Variants in RPS15 observed in about 807,000 individuals in gnomAD.
RPS15 encodes ribosomal protein S15, also known as small ribosomal subunit protein uS19.
Under a neutral mutation model 14.9 loss-of-function variants are expected in RPS15, and 5 were observed. The ratio of observed to expected loss-of-function variants is 0.34; its 90% confidence interval spans 0.18 to 0.70. RPS15 has a LOEUF of 0.70. Ranked by LOEUF, RPS15 falls within the 30% of genes least tolerant of loss-of-function variation. The pLI is 0.65. For missense variants in RPS15, 102 were observed against 204.2 expected (o/e 0.50, Z 3.05); for synonymous variants, 103 against 85.0 (o/e 1.21, Z -1.16).
chr19:1,440,054 G>T lies in RPS15; in HGVS notation c.125G>T (p.Arg42Leu). ...QLMQLYSARQ[R>L]RRLNRGLRRK... ...ATGCAGCTGTACAGTGCGCGCCAGCGGCGGCGGCTGAACCGGGGCCTGCGG... is the reference window on the plus strand; with the variant it reads ...ATGCAGCTGTACAGTGCGCGCCAGCTGCGGCGGCTGAACCGGGGCCTGCGG... The change falls in exon 3 of 4, where the codon CGG becomes CTG. Residue 42 changes from arginine to leucine, a missense_variant. Arg to Leu is a moderately radical substitution (Grantham distance 102). Around this residue, in one of 2 missense-constraint regions of RPS15, gnomAD observed 70 missense variants for 96.8 expected, o/e 0.72. Coordinates refer to ENST00000592588, the MANE Select transcript of RPS15 (RefSeq NM_001018.5). The T allele has an allele frequency of 6.4e-7, 1 of 1,559,150 alleles. No individual in the cohort carries two copies. Among genetic ancestry groups the T allele is most frequent in the Non-Finnish European group, 8.7e-7 (1 of 1,152,672 alleles).
In RPS15 at chr19:1,439,958, G is replaced by C. The variant is rs990127030; in HGVS notation, c.90-61G>C. 1.0e-4 allele frequency: 139 copies of C among 1,344,382 alleles called. No homozygotes were observed. In the African/African-American group the frequency reaches 1.9e-3, roughly 18 times the overall value. 83.3% of individuals were successfully genotyped at this position (1,344,382 alleles called of 1,614,324 possible). On this transcript the variant is annotated intron_variant, in intron 2 of 3. Transcript: ENST00000592588. ...CCAAGCCTTAGTTCTCTGTCCGCCG[G>C]AGTGCGTAGGGTCTCCCCAGGCCGG...
chr19:1,438,450 G>T lies in RPS15; in HGVS notation c.3+22G>T. ...GATGGTGAGTGTTGCGATTTGGCGC[G>T]TCTCTGCCGGGCCTATCCGGCTCCA... On this transcript the variant is annotated intron_variant, in intron 1 of 3. Transcript: ENST00000592588. The surrounding 1 kb of genome is among the most constrained non-coding windows in gnomAD (Gnocchi z 4.8). The T allele has an allele frequency of 1.2e-6, 2 of 1,613,334 alleles. No individual in the cohort carries two copies. Among genetic ancestry groups the T allele is most frequent in the Non-Finnish European group, 1.7e-6 (2 of 1,179,884 alleles).
chr19:1,438,503 C>T lies in RPS15; in HGVS notation c.3+75C>T, dbSNP rs1346779998. On this transcript the variant is annotated intron_variant, in intron 1 of 3. Transcript: ENST00000592588. The surrounding 1 kb of genome is among the most constrained non-coding windows in gnomAD (Gnocchi z 4.8). ...CAACCTCTGACCGTCTCGCGGGGGC[C>T]GCAGTTCGTCCCCGCGGCTACGGCG... 5 of 1,610,576 alleles carry T rather than the reference C, an allele frequency of 3.1e-6. No individual in the cohort carries two copies. Among genetic ancestry groups the T allele is most frequent in the Non-Finnish European group, 4.2e-6 (5 of 1,178,904 alleles).
intron 2 of RPS15, 148 bp downstream of exon 2, chr19:1,439,040 GC>G: frequency 1.5e-6 from 1 of 664,306 alleles, no homozygotes; most frequent in Non-Finnish European, 2.5e-6. Flanking sequence ...GTGGTCTTGC[GC>G]CCAGAAAACT....
chr19:1,440,123 A>C lies in RPS15; in HGVS notation c.194A>C (p.Lys65Thr), dbSNP rs1040563405. The C allele has an allele frequency of 1.9e-6, 3 of 1,605,804 alleles. No individual in the cohort carries two copies. Among genetic ancestry groups the C allele is most frequent in the Non-Finnish European group, 2.5e-6 (3 of 1,177,054 alleles). ...CTGAAGCGCCTGCGCAAGGCCAAGA[A>C]GGAGGCGCCGCCCATGGAGAAGCCG... The part of the protein sequence containing the change: ...SLLKRLRKAK[K>T]EAPPMEKPEV... The change falls in exon 3 of 4, where the codon AAG becomes ACG. Residue 65 changes from lysine (K) to threonine (T), a missense_variant. Lys to Thr is a moderately conservative substitution (Grantham distance 78, BLOSUM62 -1). Transcript: ENST00000592588.
chr19:1,439,587 G>GT (rs2083636610), intron 2 of RPS15: 1 of 385,286 alleles, frequency 2.6e-6, no homozygotes, highest in Non-Finnish European at 4.7e-6. Flanking sequence ...TGGAAACAGC[G>GT]TTTCTCTGTG....
Position 1,438,736 on chromosome 19 carries a change from T to C in RPS15, c.4-71T>C. 6.5e-7 allele frequency: 1 copy of C among 1,539,800 alleles called. No individual in the cohort carries two copies. The highest frequency in any genetic ancestry group is 8.8e-7 in the Non-Finnish European group (1 of 1,138,308). ...CGGCGGCGCCGCGCGTCTTCCGCGG[T>C]GTCCTCGGGCCCGGTGGCCCCGGGA... On this transcript the variant is annotated intron_variant, in intron 1 of 3. Coordinates refer to ENST00000592588, the MANE Select transcript of RPS15 (RefSeq NM_001018.5). The surrounding 1 kb of genome is among the most constrained non-coding windows in gnomAD (Gnocchi z 4.8).
chr19:1,438,855 C>T lies in RPS15; in HGVS notation c.52C>T (p.Arg18Cys), dbSNP rs2083630372. The T allele has an allele frequency of 1.9e-6, 3 of 1,594,930 alleles. No homozygotes were observed. Among genetic ancestry groups the T allele is most frequent in the African/African-American group, 1.3e-5 (1 of 74,546 alleles). The stretch of plus-strand genomic sequence containing the variant: ...GCGGACCTTCCGCAAGTTCACCTAC[C>T]GCGGCGTGGACCTCGACCAGCTGCT... ...KKRTFRKFTY[R>C]GVDLDQLLDM... The change falls in exon 2 of 4, where the codon CGC (arginine) becomes TGC (cysteine). Residue 18 changes from arginine to cysteine, a missense_variant. Physicochemically the swap from Arg to Cys is radical, Grantham distance 180. Around this residue, in one of 2 missense-constraint regions of RPS15, gnomAD observed 70 missense variants for 96.8 expected, o/e 0.72. Transcript: ENST00000592588. This position sits in a 1 kb window ranked among gnomAD's most constrained non-coding sequence, Gnocchi z 4.8.
chr19:1,439,573 T>G (rs1330452198), intron 2 of RPS15: 2 of 335,820 alleles, frequency 6.0e-6, no homozygotes, highest in East Asian at 6.2e-5. Flanking sequence ...TTTTTGATTA[T>G]TTGTGGAAAC....
rs757669754 is a variant in RPS15 at position 1,440,432 on chromosome 19, C to T, written c.408C>T (p.Thr136=). ...ATGGCCGGCCCGGCATCGGGGCCAC[C>T]CACTCCTCCCGCTTCATCCCTCTCA... ...VKHGRPGIGA[T]HSSRFIPLK Residue 136 remains threonine (T), a synonymous_variant, in exon 4 of 4, where the codon ACC becomes ACT. Transcript: ENST00000592588. 2.5e-6 allele frequency: 4 copies of T among 1,613,724 alleles called. No homozygotes were observed. The highest frequency in any genetic ancestry group is 3.3e-5 in the Admixed American group (2 of 60,002).
chr19:1,438,929 G>A lies in RPS15; in HGVS notation c.89+37G>A, dbSNP rs1215431464. On this transcript the variant is annotated intron_variant, in intron 2 of 3. Coordinates refer to ENST00000592588, the MANE Select transcript of RPS15 (RefSeq NM_001018.5). The surrounding 1 kb of genome is among the most constrained non-coding windows in gnomAD (Gnocchi z 4.8). Reference sequence around the variant, plus strand: ...CGCGGGGGTCGCGGGCAGGGGCTGGGCCAGCGGTGGGGCTTGTCCGGGTGA... The same window carrying A: ...CGCGGGGGTCGCGGGCAGGGGCTGGACCAGCGGTGGGGCTTGTCCGGGTGA... 18 of 1,535,070 alleles carry A rather than the reference G, an allele frequency of 1.2e-5. No individual in the cohort carries two copies. The highest frequency in any genetic ancestry group is 5.9e-5 in the Admixed American group (3 of 51,224).
At chr19:1,439,334 C>A in intron 2 of RPS15, 1 of 180,794 alleles carries the variant, frequency 5.5e-6, no homozygotes, top group South Asian at 1.1e-4. Flanking sequence ...TCCGTCCCAG[C>A]TCACTGCAGC....
chr19:1,439,406 G>A (rs900791535), intron 2 of RPS15: 5 of 176,338 alleles, frequency 2.8e-5, no homozygotes, highest in Non-Finnish European at 6.0e-5. Context: ...GGGATTAGAG[G>A]GCCCCCCCAC....
intron 2 of RPS15, 172 bp from the exon 3 acceptor site, chr19:1,439,847 G>A (rs1328223707): frequency 9.1e-6 from 6 of 660,102 alleles, no homozygotes; most frequent in East Asian, 2.7e-5. Flanking sequence ...CATATCTGGC[G>A]GGGGTGCCAG....
chr19:1,439,011 C>T (rs2083631965), intron 2 of RPS15, 119 bp downstream of exon 2: 6 of 823,746 alleles, frequency 7.3e-6, no homozygotes, highest in Non-Finnish European at 1.1e-5. Context: ...ACGGTCTCCG[C>T]GCGGGTTTGG....
At position 1,440,217 on chromosome 19, in the gene RPS15, C is replaced by T; in HGVS notation, c.288C>T (p.Val96=). ...LPEMVGSMVG[V]YNGKTFNQVE... Reference sequence around the variant, plus strand: ...AGATGGTGGGCAGCATGGTGGGCGTCTACAACGGCAAGACCTTCAACCAGG... The same window carrying T: ...AGATGGTGGGCAGCATGGTGGGCGTTTACAACGGCAAGACCTTCAACCAGG... The change falls in exon 3 of 4, where the codon GTC becomes GTT. Residue 96 remains valine (V), a synonymous_variant. Transcript: ENST00000592588. 1 of 1,613,072 alleles carries T rather than the reference C, an allele frequency of 6.2e-7. No individual in the cohort carries two copies.
rs1316217358 is a variant in RPS15 at position 1,438,941 on chromosome 19, G to A, written c.89+49G>A. ...GGGCAGGGGCTGGGCCAGCGGTGGG[G>A]CTTGTCCGGGTGAGGGCGGCGGGGC... On this transcript the variant is annotated intron_variant, in intron 2 of 3. Transcript: ENST00000592588. This position sits in a 1 kb window ranked among gnomAD's most constrained non-coding sequence, Gnocchi z 4.8. 6.6e-7 allele frequency: 1 copy of A among 1,506,688 alleles called. No individual in the cohort carries two copies. The highest frequency in any genetic ancestry group is 9.0e-7 in the Non-Finnish European group (1 of 1,109,924). 93.3% of individuals were successfully genotyped at this position (1,506,688 alleles called of 1,614,324 possible).
rs746880057 is a variant in RPS15 at position 1,438,536 on chromosome 19, C to G, written c.3+108C>G. On this transcript the variant is annotated intron_variant, in intron 1 of 3. Transcript: ENST00000592588. This position sits in a 1 kb window ranked among gnomAD's most constrained non-coding sequence, Gnocchi z 4.8. ...GTCCCCGCGGCTACGGCGGCTTGCT[C>G]CCGACCCTGCAGGCGGCTGGATGTT... The G allele has an allele frequency of 2.5e-6, 4 of 1,595,674 alleles. No homozygotes were observed. The Admixed American group carries it at 5.2e-5, about 21-fold the overall frequency.
Position 1,439,652 on chromosome 19 carries a change from C to T in RPS15, c.90-367C>T, listed in dbSNP as rs893669600. On this transcript the variant is annotated intron_variant, in intron 2 of 3. Coordinates refer to ENST00000592588, the MANE Select transcript of RPS15 (RefSeq NM_001018.5). Reference sequence around the variant, plus strand: ...TCAAGCGACCCTCCCGCCTCAACCTCCCGAAGTGCTGGGATCACAGGCGGG... The same window carrying T: ...TCAAGCGACCCTCCCGCCTCAACCTTCCGAAGTGCTGGGATCACAGGCGGG... 15 of 547,146 alleles carry T rather than the reference C, an allele frequency of 2.7e-5. No homozygotes were observed. The Admixed American group carries it at 3.6e-4, about 13-fold the overall frequency. The allele number at this position is 547,146 out of a possible 1,614,324, so 33.9% of individuals were successfully genotyped here.
Sources: gnomAD v4.1 joint callset for allele counts on GRCh38, gnomAD v4.1.1 for gene constraint, gnomAD v4.1.1 regional missense constraint, Gnocchi (gnomAD v3.1) non-coding constraint, MANE v1.5 for transcripts, NCBI Gene and HGNC (gene_info 2026-07-23, HGNC 2026-07-21) for gene names.